TMC1: variants seen among roughly 807,000 people sequenced by gnomAD.
The protein encoded by TMC1 is transmembrane channel like 1, also known as transmembrane channel-like protein 1.
TMC1 carries 84 observed loss-of-function variants against 105.8 expected under a neutral mutation model. The ratio of observed to expected loss-of-function variants is 0.79; its 90% confidence interval spans 0.67 to 0.95. The LOEUF (loss-of-function observed/expected upper bound fraction) is 0.95. Among genes scored for constraint, TMC1 ranks in the 40% least tolerant of loss-of-function variants. The pLI is 0.00. For missense variants in TMC1, 817 were observed against 914.1 expected (o/e 0.89, Z 1.37); for synonymous variants, 315 against 311.5 (o/e 1.01, Z -0.12).
chr9:72,762,858 G>C (rs1236489599), intron 12 of TMC1, among the ~76,000 whole-genome samples: 1 of 152,014 alleles, frequency 6.6e-6, no homozygotes, highest in Admixed American at 6.6e-5. Flanking sequence ...GGGTCTCTTT[G>C]GTTCAACAGG....
At chr9:72,736,962 C>T (rs574334463) in intron 8 of TMC1, among the ~76,000 whole-genome samples, 1 of 152,242 alleles carries the variant, frequency 6.6e-6, no homozygotes, top group South Asian at 2.1e-4. Context: ...AAGAAATTTA[C>T]AATAAATATG....
chr9:72,633,517 CTG>C (rs748587084), intron 4 of TMC1, among the ~76,000 whole-genome samples: 29 of 152,140 alleles, frequency 1.9e-4, no homozygotes, highest in Non-Finnish European at 3.5e-4. Flanking sequence ...TGGAGTCAGA[CTG>C]TCTGGTTCCA....
chr9:72,597,717 G>T (rs970866762), intron 2 of TMC1, among the ~76,000 whole-genome samples: 4 of 152,202 alleles, frequency 2.6e-5, no homozygotes, highest in African/African-American at 9.6e-5. Flanking sequence ...TGGCTCCCCA[G>T]TGGAGAATAA....
intron 5 of TMC1, chr9:72,651,051 GGTGTATTTTATATATATATATCT>G (rs1459406342): frequency 1.1e-4 from 16 of 144,810 alleles, no homozygotes; most frequent in Admixed American, 5.6e-4. Flanking sequence ...GGTATTTCAT[GGTGTATTTTATATATATATATCT>G]ATATAAAAAT....
At chr9:72,773,651 T>G (rs1261929652) in intron 13 of TMC1, among the ~76,000 whole-genome samples, 1 of 152,190 alleles carries the variant, frequency 6.6e-6, no homozygotes, top group Non-Finnish European at 1.5e-5. Flanking sequence ...TCTAGTCTTT[T>G]GACTATATTG....
chr9:72,613,377 C>T (rs902003998), intron 2 of TMC1, among the ~76,000 whole-genome samples: 20 of 152,026 alleles, frequency 1.3e-4, no homozygotes, highest in Admixed American at 4.6e-4. Context: ...CCACCTGCCT[C>T]GGCCTTCCAA....
intron 2 of TMC1, among the ~76,000 whole-genome samples, chr9:72,598,183 T>C (rs910574884): frequency 1.3e-5 from 2 of 152,178 alleles, no homozygotes; most frequent in African/African-American, 4.8e-5. Context: ...TCCCCCCACA[T>C]ACCCTCAGAA....
intron 13 of TMC1, among the ~76,000 whole-genome samples, chr9:72,776,903 G>A (rs1324128418): frequency 2.0e-5 from 3 of 151,872 alleles, no homozygotes; most frequent in African/African-American, 7.3e-5. Context: ...GTCCTGGGTA[G>A]CCTTTTTATT....
chr9:72,539,683 T>C (rs1386280514), intron 1 of TMC1, among the ~76,000 whole-genome samples: 2 of 152,214 alleles, frequency 1.3e-5, no homozygotes, highest in African/African-American at 4.8e-5. Context: ...CATCTGCCTG[T>C]CTTCTTCTGA....
chr9:72,565,933 AT>A (rs1221736210), intron 1 of TMC1, among the ~76,000 whole-genome samples: 3 of 152,098 alleles, frequency 2.0e-5, no homozygotes, highest in African/African-American at 7.2e-5. Context: ...TCAAGATGAG[AT>A]TTGGGTGGGG....
chr9:72,606,000 G>T (rs1824905245), intron 2 of TMC1, among the ~76,000 whole-genome samples: 1 of 152,116 alleles, frequency 6.6e-6, no homozygotes, highest in Non-Finnish European at 1.5e-5. Context: ...TACTTCTTTA[G>T]AGGCTCTATC....
chr9:72,794,889 G>A (rs576220480), intron 17 of TMC1, among the ~76,000 whole-genome samples: 2 of 152,262 alleles, frequency 1.3e-5, no homozygotes, highest in South Asian at 2.1e-4. Context: ...ACAATAACAC[G>A]ACACTGGAGC....
chr9:72,739,132 G>A (rs1341457691), intron 8 of TMC1, among the ~76,000 whole-genome samples: 2 of 152,168 alleles, frequency 1.3e-5, no homozygotes, highest in East Asian at 1.9e-4. Context: ...GTCTAAAATC[G>A]AAGTGCCAGC....
intron 2 of TMC1, among the ~76,000 whole-genome samples, chr9:72,613,353 C>T (rs56288216): frequency 0.1 from 15,697 of 151,808 alleles, 1,035 homozygotes; most frequent in Non-Finnish European, 0.16. Context: ...CTTCAACTCC[C>T]GAACTCAGAT....
chr9:72,556,130 T>C (rs1823936516), intron 1 of TMC1, among the ~76,000 whole-genome samples: 1 of 151,782 alleles, frequency 6.6e-6, no homozygotes, highest in South Asian at 2.1e-4. Flanking sequence ...TTTTTTTTTT[T>C]TTTGAGACGG....
At chr9:72,710,687 G>T (rs1826820287) in intron 8 of TMC1, among the ~76,000 whole-genome samples, 2 of 148,344 alleles carry the variant, frequency 1.3e-5, no homozygotes, top group African/African-American at 5.0e-5. Flanking sequence ...GTGTCCATTT[G>T]CATGGAATGT....
intron 2 of TMC1, among the ~76,000 whole-genome samples, chr9:72,590,093 A>G (rs941982398): frequency 6.6e-6 from 1 of 152,158 alleles, no homozygotes; most frequent in African/African-American, 2.4e-5. Flanking sequence ...CCTCCTGATT[A>G]TTCACTGACA....
In TMC1 at chr9:72,821,030, T is replaced by C. The variant is rs2118299173; in HGVS notation, c.1952T>C (p.Val651Ala). Residue 651 changes from valine (V) to alanine (A), a missense_variant, in exon 20 of 24, where the codon GTC (valine) becomes GCC (alanine). Val to Ala is a moderately conservative substitution (Grantham distance 64). Coordinates refer to ENST00000297784, the MANE Select transcript of TMC1 (RefSeq NM_138691.3). ...LLILFLSTMP[V>A]LYMIVSLPPS... ...ATCCTCTTCCTGTCCACAATGCCTG[T>C]CTTGTACATGATCGTGTCCCTCCCA... 6.2e-7 allele frequency: 1 copy of C among 1,614,210 alleles called. No individual in the cohort carries two copies. The highest frequency in any genetic ancestry group is 1.3e-5 in the African/African-American group (1 of 75,060).
At chr9:72,570,143 A>C (rs1824246685) in intron 1 of TMC1, among the ~76,000 whole-genome samples, 1 of 151,818 alleles carries the variant, frequency 6.6e-6, no homozygotes, top group Admixed American at 6.6e-5. Context: ...ATTAGGGCTT[A>C]GTTAGTTATT....
Sources: allele counts gnomAD v4.1 joint callset (sites outside exome capture counted in the v4.1 genomes callset), GRCh38; gene constraint gnomAD v4.1.1; transcripts MANE v1.5; gene names NCBI Gene and HGNC (gene_info 2026-07-23, HGNC 2026-07-21).